The following HTT variants were observed in gnomAD, a reference collection of about 807,000 sequenced individuals.
The protein encoded by HTT is huntingtin, also known as huntington disease protein.
Under a neutral mutation model 362.3 loss-of-function variants are expected in HTT, and 104 were observed. The observed-to-expected ratio is 0.29, with a 90% confidence interval of 0.24 to 0.34. The LOEUF is 0.34. HTT is among the 10% of genes least tolerant of loss of function. The pLI, the probability that HTT is intolerant of heterozygous loss-of-function variation, is 1.00. For missense variants in HTT, 3,301 were observed against 3,928.6 expected, an observed-to-expected ratio of 0.84 and a Z score of 4.27; for synonymous variants, 1,577 against 1,548.7, an observed-to-expected ratio of 1.02 and a Z score of -0.43.
chr4:3,197,420 C>G (rs1410543421), intron 40 of HTT, among the ~76,000 whole-genome samples: 1 of 152,010 alleles, frequency 6.6e-6, no homozygotes, highest in Non-Finnish European at 1.5e-5. Context: ...GTTCAGAATC[C>G]CAGCATCATA....
intron 27 of HTT, among the ~76,000 whole-genome samples, chr4:3,155,759 A>G: frequency 6.8e-6 from 1 of 146,160 alleles, no homozygotes; most frequent in Non-Finnish European, 1.5e-5. Flanking sequence ...AAAGCCGGGC[A>G]TGGTGGCTCG....
At chr4:3,219,243 A>C (rs1052757892) in intron 52 of HTT, among the ~76,000 whole-genome samples, 1 of 152,112 alleles carries the variant, frequency 6.6e-6, no homozygotes, top group African/African-American at 2.4e-5. Flanking sequence ...GTTCATTAGC[A>C]TCTGGTTATG....
At chr4:3,196,449 A>G (rs1246991244) in intron 40 of HTT, among the ~76,000 whole-genome samples, 1 of 152,146 alleles carries the variant, frequency 6.6e-6, no homozygotes, top group Non-Finnish European at 1.5e-5. Context: ...AAAAATATCC[A>G]TTGCAGGCCA....
chr4:3,210,028 G>C, intron 47 of HTT, 79 bp downstream of exon 47: 1 of 1,551,460 alleles, frequency 6.4e-7, no homozygotes, highest in Non-Finnish European at 8.8e-7. Context: ...ATCATCATGT[G>C]ACCCACTTGT....
intron 26 of HTT, among the ~76,000 whole-genome samples, chr4:3,149,844 A>G (rs933323483): frequency 2.6e-5 from 4 of 152,026 alleles, no homozygotes; most frequent in African/African-American, 9.7e-5. Flanking sequence ...CCTGTCTACT[A>G]CTTCAGCCAT....
At chr4:3,094,991 T>G (rs985218410) in intron 2 of HTT, among the ~76,000 whole-genome samples, 3 of 151,740 alleles carry the variant, frequency 2.0e-5, no homozygotes, top group African/African-American at 7.3e-5. Flanking sequence ...GAGATGCTCC[T>G]CACTTCCTAG....
At chr4:3,161,595 C>G (rs1717449362) in intron 29 of HTT, among the ~76,000 whole-genome samples, 1 of 152,188 alleles carries the variant, frequency 6.6e-6, no homozygotes, top group South Asian at 2.1e-4. Flanking sequence ...TGTTTCGTGA[C>G]TTTTTAACGA....
chr4:3,226,239 C>T (rs1396503663), intron 57 of HTT, among the ~76,000 whole-genome samples: 1 of 152,094 alleles, frequency 6.6e-6, no homozygotes, highest in Non-Finnish European at 1.5e-5. Context: ...GCCCCGTGTG[C>T]AGGCAGACAG....
At chr4:3,105,512 T>A in intron 5 of HTT, 76 bp downstream of exon 5, 1 of 1,024,490 alleles carries the variant, frequency 9.8e-7, no homozygotes, top group Non-Finnish European at 1.6e-6. Context: ...AGCTCAGATG[T>A]CATTTCAAAA....
intron 11 of HTT, among the ~76,000 whole-genome samples, chr4:3,125,919 C>T (rs941461290): frequency 6.6e-6 from 1 of 152,150 alleles, no homozygotes; most frequent in African/African-American, 2.4e-5. Flanking sequence ...CAGGTCGAAA[C>T]ATCTCATGAG....
chr4:3,194,705 C>T (rs363120), intron 40 of HTT, among the ~76,000 whole-genome samples: 437 of 152,340 alleles, frequency 2.9e-3, no homozygotes, highest in Non-Finnish European at 5.0e-3. Flanking sequence ...TCACCCCTTC[C>T]TCTGTGGCAG....
intron 28 of HTT, among the ~76,000 whole-genome samples, chr4:3,157,800 A>G (rs1215163128): frequency 6.6e-6 from 1 of 151,680 alleles, no homozygotes; most frequent in Non-Finnish European, 1.5e-5. Context: ...TTCATCTGCA[A>G]TTTGTTAGAT....
intron 29 of HTT, among the ~76,000 whole-genome samples, chr4:3,166,819 T>C (rs1221978101): frequency 1.3e-5 from 2 of 152,242 alleles, no homozygotes; most frequent in African/African-American, 2.4e-5. Context: ...GGCAGGAGTG[T>C]ACTGCTCCTT....
chr4:3,180,610 G>T lies in HTT; in HGVS notation c.4708G>T (p.Val1570Leu). The T allele has an allele frequency of 6.2e-7, 1 of 1,613,638 alleles. No individual in the cohort carries two copies. The highest frequency in any genetic ancestry group is 8.5e-7 in the Non-Finnish European group (1 of 1,179,810). ...AAAAGAGCTTGAAACCCAAAAAGAG[G>T]TGGTGGTGTCAATGTTACTGAGACT... ...AGKELETQKEVVVSMLLRLIQ... is the reference protein window; with the variant it reads ...AGKELETQKELVVSMLLRLIQ... The change falls in exon 36 of 67, where the codon GTG becomes TTG. Residue 1570 changes from valine to leucine, a missense_variant. Physicochemically the swap from Val to Leu is conservative, Grantham distance 32. Around this residue, in one of 4 missense-constraint regions of HTT, gnomAD observed 2,316 missense variants for 2,658.5 expected, o/e 0.87. Coordinates refer to ENST00000355072, the MANE Select transcript of HTT (RefSeq NM_001388492.1).
intron 65 of HTT, 82 bp from the exon 66 acceptor site, chr4:3,238,736 A>AT: frequency 1.7e-6 from 1 of 590,658 alleles, no homozygotes; most frequent in Non-Finnish European, 2.7e-6. Flanking sequence ...TCTGGCCCCC[A>AT]CCCCACCCCC....
intron 12 of HTT, among the ~76,000 whole-genome samples, chr4:3,127,872 G>A (rs1182384237): frequency 1.3e-5 from 2 of 151,910 alleles, no homozygotes; most frequent in Non-Finnish European, 2.9e-5. Context: ...GCTGAGGCAG[G>A]AGAATTGCTT....
intron 1 of HTT, among the ~76,000 whole-genome samples, chr4:3,078,096 G>A (rs1300201375): frequency 6.6e-6 from 1 of 152,198 alleles, no homozygotes; most frequent in Admixed American, 6.5e-5. Context: ...TTCCTTATGG[G>A]GCTGGCTGCA....
rs1430407268 is a variant in HTT at position 3,180,603 on chromosome 4, A to G, written c.4701A>G (p.Gln1567=). The stretch of plus-strand genomic sequence containing the variant: ...ATGCAGGAAAAGAGCTTGAAACCCA[A>G]AAAGAGGTGGTGGTGTCAATGTTAC... ...KADAGKELET[Q]KEVVVSMLLR... Residue 1567 remains glutamine, a synonymous_variant, in exon 36 of 67, where the codon CAA becomes CAG. Transcript: ENST00000355072. 1.2e-6 allele frequency: 2 copies of G among 1,613,776 alleles called. No individual in the cohort carries two copies. The highest frequency in any genetic ancestry group is 4.5e-5 in the East Asian group (2 of 44,870).
At chr4:3,107,036 A>G (rs1210690104) in intron 5 of HTT, among the ~76,000 whole-genome samples, 1 of 152,250 alleles carries the variant, frequency 6.6e-6, no homozygotes, top group African/African-American at 2.4e-5. Flanking sequence ...AAGAAGTATT[A>G]TGATTTACTG....
Sources: gnomAD v4.1 joint callset for allele counts (sites outside exome capture counted in the v4.1 genomes callset) on GRCh38, gnomAD v4.1.1 for gene constraint, gnomAD v4.1.1 regional missense constraint, MANE v1.5 for transcripts, NCBI Gene and HGNC (gene_info 2026-07-23, HGNC 2026-07-21) for gene names.